Variants in ST18 observed in about 807,000 individuals in gnomAD.
ST18 encodes suppression of tumorigenicity 18 protein.
Under a neutral mutation model 110.0 loss-of-function variants are expected in ST18, and 50 were observed. The ratio of observed to expected loss-of-function variants is 0.45; its 90% CI spans 0.36 to 0.58. The LOEUF (loss-of-function observed/expected upper bound fraction) is 0.58. Among genes scored for constraint, ST18 ranks in the 20% least tolerant of loss-of-function variants. The pLI is 0.00. For missense variants in ST18, 1,306 were observed against 1,280.1 expected (o/e 1.02, Z -0.31); for synonymous variants, 461 against 452.4 (o/e 1.02, Z -0.24).
At chr8:52,214,298 A>G (rs746712620) in intron 6 of ST18, 41 bp from the exon 7 acceptor site, 3 of 1,598,802 alleles carry the variant, frequency 1.9e-6, no homozygotes, top group Non-Finnish European at 2.6e-6. Context: ...TTCCTTTGAC[A>G]TTGACCAAAA....
chr8:52,348,940 T>A (rs1819013294), intron 2 of ST18, among the ~76,000 whole-genome samples: 1 of 152,110 alleles, frequency 6.6e-6, no homozygotes, highest in Non-Finnish European at 1.5e-5. Flanking sequence ...GTACAATAGA[T>A]CTCTCAAACT....
At chr8:52,135,608 G>A (rs1053420421) in intron 19 of ST18, among the ~76,000 whole-genome samples, 134 of 147,422 alleles carry the variant, frequency 9.1e-4, no homozygotes, top group African/African-American at 2.9e-3. Flanking sequence ...AAGAAAAAAG[G>A]AAAAAAGACA....
intron 14 of ST18, among the ~76,000 whole-genome samples, chr8:52,160,136 C>T (rs572911946): frequency 2.6e-4 from 40 of 152,162 alleles, no homozygotes; most frequent in African/African-American, 7.2e-4. Flanking sequence ...TAACTAGCTT[C>T]GCTGGAATTA....
chr8:52,144,206 T>A (rs972502750), intron 16 of ST18, among the ~76,000 whole-genome samples: 2 of 152,122 alleles, frequency 1.3e-5, no homozygotes, highest in African/African-American at 4.8e-5. Flanking sequence ...ATCTTGTATC[T>A]GGTAAATATA....
intron 2 of ST18, among the ~76,000 whole-genome samples, chr8:52,379,256 C>T (rs1833609729): frequency 6.6e-6 from 1 of 151,914 alleles, no homozygotes; most frequent in Non-Finnish European, 1.5e-5. Context: ...CACGGTTACG[C>T]CCAGCTAATT....
At chr8:52,115,952 C>T (rs2042383846) in intron 25 of ST18, among the ~76,000 whole-genome samples, 1 of 152,112 alleles carries the variant, frequency 6.6e-6, no homozygotes, top group Non-Finnish European at 1.5e-5. Flanking sequence ...GACATGGAAT[C>T]TTCTACTTGG....
intron 3 of ST18, among the ~76,000 whole-genome samples, chr8:52,229,002 G>A (rs941635078): frequency 6.6e-6 from 1 of 152,128 alleles, no homozygotes; most frequent in East Asian, 1.9e-4. Flanking sequence ...GATGAAGAAG[G>A]GGTGTCACAA....
intron 2 of ST18, among the ~76,000 whole-genome samples, chr8:52,270,360 G>A (rs568860205): frequency 1.3e-5 from 2 of 152,206 alleles, no homozygotes; most frequent in East Asian, 3.9e-4. Flanking sequence ...GCTTTTCAGT[G>A]GCTCCCCATT....
intron 2 of ST18, among the ~76,000 whole-genome samples, chr8:52,324,771 T>C (rs1805538783): frequency 6.6e-6 from 1 of 152,208 alleles, no homozygotes; most frequent in African/African-American, 2.4e-5. Flanking sequence ...TGACCTGATA[T>C]TCATTACCTC....
At chr8:52,203,059 A>G (rs906987171) in intron 8 of ST18, among the ~76,000 whole-genome samples, 1 of 152,160 alleles carries the variant, frequency 6.6e-6, no homozygotes, top group Non-Finnish European at 1.5e-5. Flanking sequence ...CTCAAGCAAC[A>G]TCATGTACGA....
intron 2 of ST18, among the ~76,000 whole-genome samples, chr8:52,365,300 A>G (rs1200675756): frequency 6.6e-6 from 1 of 152,180 alleles, no homozygotes; most frequent in Non-Finnish European, 1.5e-5. Flanking sequence ...ATGTTTCGCC[A>G]AAGCTAAATG....
chr8:52,218,289 A>C (rs1279323023), intron 5 of ST18, among the ~76,000 whole-genome samples: 1 of 152,010 alleles, frequency 6.6e-6, no homozygotes, highest in Non-Finnish European at 1.5e-5. Flanking sequence ...CATGGTGACC[A>C]CAATGTTTTG....
At chr8:52,195,946 T>C (rs1199975473) in intron 8 of ST18, among the ~76,000 whole-genome samples, 2 of 152,352 alleles carry the variant, frequency 1.3e-5, no homozygotes, top group South Asian at 2.1e-4. Flanking sequence ...TCAGACCACA[T>C]AGATTCCACT....
At chr8:52,226,006 GA>G (rs2136627623) in intron 3 of ST18, among the ~76,000 whole-genome samples, 1 of 152,328 alleles carries the variant, frequency 6.6e-6, no homozygotes, top group African/African-American at 2.4e-5. Context: ...CTGGTGAGCT[GA>G]AGGTGAGATA....
intron 9 of ST18, among the ~76,000 whole-genome samples, chr8:52,178,629 A>AAAC: frequency 7.7e-6 from 1 of 130,020 alleles, no homozygotes; most frequent in African/African-American, 3.5e-5. Context: ...AAAAAAAAAA[A>AAAC]AAAAAAAAAA....
chr8:52,163,739 C>G (rs1490361818), intron 13 of ST18, among the ~76,000 whole-genome samples: 1 of 152,058 alleles, frequency 6.6e-6, no homozygotes, highest in East Asian at 1.9e-4. Context: ...AGATTCACCC[C>G]TATTATGTTA....
At chr8:52,121,094 A>G (rs563182208) in intron 23 of ST18, among the ~76,000 whole-genome samples, 21 of 152,304 alleles carry the variant, frequency 1.4e-4, no homozygotes, top group African/African-American at 4.8e-4. Context: ...AGTGCTTGTG[A>G]GAAGACTGTT....
intron 8 of ST18, among the ~76,000 whole-genome samples, chr8:52,205,541 T>TA (rs577253800): frequency 5.7e-4 from 87 of 152,136 alleles, no homozygotes; most frequent in Non-Finnish European, 1.1e-3. Context: ...TCTGTTTTTT[T>TA]AAAAAAATTT....
At chr8:52,373,286 T>A (rs940994553) in intron 2 of ST18, among the ~76,000 whole-genome samples, 2 of 152,182 alleles carry the variant, frequency 1.3e-5, no homozygotes, top group African/African-American at 4.8e-5. Context: ...TTGAATCTCA[T>A]GATATCAAGT....
Sources: gnomAD v4.1 joint callset for allele counts (sites outside exome capture counted in the v4.1 genomes callset) on GRCh38, gnomAD v4.1.1 for gene constraint, MANE v1.5 for transcripts, NCBI Gene and HGNC (gene_info 2026-07-23, HGNC 2026-07-21) for gene names.